The following NEO1 variants were observed in gnomAD, a reference collection of about 807,000 sequenced individuals.
NEO1 encodes the protein neogenin 1, also known as neogenin.
NEO1 carries 63 observed loss-of-function variants against 159.7 expected under a neutral mutation model. The ratio of observed to expected loss-of-function variants is 0.39; its 90% CI spans 0.32 to 0.49. The LOEUF (loss-of-function observed/expected upper bound fraction) is 0.49, where lower values mean the gene tolerates loss of function less well. Ranked by LOEUF, NEO1 falls within the 20% of genes least tolerant of loss-of-function variation. NEO1 has a pLI of 0.85. For missense variants in NEO1, 1,615 were observed against 1,831.0 expected, an observed-to-expected ratio of 0.88 and a Z score of 2.15; for synonymous variants, 633 against 662.0, an observed-to-expected ratio of 0.96 and a Z score of 0.67.
chr15:73,055,803 C>T (rs1050076099), intron 1 of NEO1, among the ~76,000 whole-genome samples: 1 of 152,178 alleles, frequency 6.6e-6, no homozygotes, highest in Non-Finnish European at 1.5e-5. Flanking sequence ...TGTTGCCTGT[C>T]TTGGTCATCA....
intron 1 of NEO1, among the ~76,000 whole-genome samples, chr15:73,076,054 A>C (rs1264743581): frequency 6.6e-6 from 1 of 152,170 alleles, no homozygotes; most frequent in Non-Finnish European, 1.5e-5. Flanking sequence ...TGAGCATGGA[A>C]GGAGAGAATA....
At chr15:73,086,561 C>CTTT (rs56017937) in intron 1 of NEO1, among the ~76,000 whole-genome samples, 6 of 128,902 alleles carry the variant, frequency 4.7e-5, no homozygotes, top group South Asian at 2.5e-4. Context: ...TATAGTATGT[C>CTTT]TTTTTTTTTT....
At chr15:73,176,743 C>A (rs982716297) in intron 6 of NEO1, among the ~76,000 whole-genome samples, 186 bp downstream of exon 6, 1 of 152,164 alleles carries the variant, frequency 6.6e-6, no homozygotes. Context: ...ACTTTGGTAG[C>A]TTATGTAAGA....
chr15:73,248,762 G>A (rs1473795718), intron 9 of NEO1, among the ~76,000 whole-genome samples: 3 of 152,090 alleles, frequency 2.0e-5, no homozygotes, highest in Admixed American at 6.5e-5. Context: ...CACAATGCCC[G>A]GCAAAAGAAG....
In NEO1 at chr15:73,057,142, A is replaced by G. The variant is rs980202243; in HGVS notation, c.130+4337A>G. On this transcript the variant is annotated intron_variant, in intron 1 of 28. Coordinates refer to ENST00000261908, the MANE Select transcript of NEO1 (RefSeq NM_002499.4). ...CTGGATTGTCAGAAAAATAAAATGT[A>G]AAATTGTTCATAAACTATAAAGTAC... 2.6e-5 allele frequency among the ~76,000 whole-genome samples: 4 copies of G among 152,320 alleles called. 1 individual carries two copies. The highest frequency in any genetic ancestry group is 5.9e-5 in the Non-Finnish European group (4 of 68,018).
At chr15:73,243,946 A>G (rs1373361535) in intron 8 of NEO1, among the ~76,000 whole-genome samples, 1 of 152,142 alleles carries the variant, frequency 6.6e-6, no homozygotes, top group African/African-American at 2.4e-5. Flanking sequence ...GCATTCTTTG[A>G]TATTTTCTGT....
chr15:73,107,382 C>T (rs1253000185), intron 1 of NEO1, among the ~76,000 whole-genome samples: 1 of 151,986 alleles, frequency 6.6e-6, no homozygotes, highest in East Asian at 1.9e-4. Context: ...TTGTTGATTA[C>T]CCAGTCTTAT....
intron 5 of NEO1, among the ~76,000 whole-genome samples, chr15:73,157,812 T>C (rs2033887176): frequency 6.6e-6 from 1 of 152,096 alleles, no homozygotes. Flanking sequence ...GTAGATCTTA[T>C]CCTAACTCTG....
intron 5 of NEO1, among the ~76,000 whole-genome samples, chr15:73,147,253 C>T (rs887313395): frequency 2.6e-5 from 4 of 152,172 alleles, no homozygotes; most frequent in African/African-American, 7.2e-5. Context: ...TCCCAGGGCT[C>T]AGAGAATCTT....
chr15:73,106,896 C>G (rs1322965919), intron 1 of NEO1, among the ~76,000 whole-genome samples: 1 of 152,196 alleles, frequency 6.6e-6, no homozygotes, highest in Non-Finnish European at 1.5e-5. Flanking sequence ...AATTCCCATT[C>G]TGTCTTAGAA....
At chr15:73,277,115 T>C (rs900869644) in intron 21 of NEO1, among the ~76,000 whole-genome samples, 1 of 152,190 alleles carries the variant, frequency 6.6e-6, no homozygotes, top group African/African-American at 2.4e-5. Flanking sequence ...TTGCCCAAAG[T>C]CAAACAGTTG....
intron 7 of NEO1, among the ~76,000 whole-genome samples, chr15:73,235,507 C>T (rs962954050): frequency 3.9e-5 from 6 of 152,188 alleles, no homozygotes; most frequent in African/African-American, 1.4e-4. Context: ...AGCTTTGCCT[C>T]GCCACTGCTT....
chr15:73,097,066 A>T (rs1003678084), intron 1 of NEO1, among the ~76,000 whole-genome samples: 1 of 152,166 alleles, frequency 6.6e-6, no homozygotes, highest in African/African-American at 2.4e-5. Context: ...TCAAGGCTGC[A>T]GTGAGTTGTG....
chr15:73,274,544 A>G, intron 20 of NEO1, 148 bp from the exon 21 acceptor site: 1 of 719,622 alleles, frequency 1.4e-6, no homozygotes, highest in Non-Finnish European at 2.4e-6. Context: ...TATGAATTTA[A>G]TTTCTGTTAG....
Position 73,092,794 on chromosome 15 carries a change from A to G in NEO1, c.131-23746A>G, listed in dbSNP as rs924882526. Reference sequence around the variant, plus strand: ...ATTACAGTTAGTGCAGAGTTCCCATATACTCCACACCCAGTATCTCCCATT... The same window carrying G: ...ATTACAGTTAGTGCAGAGTTCCCATGTACTCCACACCCAGTATCTCCCATT... On this transcript the variant is annotated intron_variant, in intron 1 of 28. Coordinates refer to ENST00000261908, the MANE Select transcript of NEO1 (RefSeq NM_002499.4). Among the ~76,000 whole-genome samples, 4 of 152,200 alleles carry G rather than the reference A, an allele frequency of 2.6e-5. No homozygotes were observed. In the East Asian group the frequency reaches 5.8e-4, roughly 22 times the overall value.
chr15:73,211,984 G>A (rs1208894896), intron 7 of NEO1, among the ~76,000 whole-genome samples: 10 of 152,156 alleles, frequency 6.6e-5, no homozygotes, highest in Non-Finnish European at 1.5e-4. Flanking sequence ...ATTACATTGA[G>A]GTTATGGATT....
chr15:73,279,537 C>T (rs1025920514), intron 22 of NEO1, among the ~76,000 whole-genome samples: 6 of 151,534 alleles, frequency 4.0e-5, no homozygotes, highest in Admixed American at 6.6e-5. Context: ...TTAGTAGAGA[C>T]GGGGTTTCAC....
At chr15:73,205,578 T>G (rs2037163902) in intron 7 of NEO1, among the ~76,000 whole-genome samples, 2 of 152,166 alleles carry the variant, frequency 1.3e-5, no homozygotes, top group African/African-American at 4.8e-5. Flanking sequence ...CCCAGGATTT[T>G]TTCATTCTCA....
intron 7 of NEO1, among the ~76,000 whole-genome samples, chr15:73,186,911 G>C (rs2035963258): frequency 6.6e-6 from 1 of 152,086 alleles, no homozygotes; most frequent in South Asian, 2.1e-4. Flanking sequence ...AACAACCTTG[G>C]CTGCTCCGGT....
Sources: allele counts gnomAD v4.1 joint callset (sites outside exome capture counted in the v4.1 genomes callset), GRCh38; gene constraint gnomAD v4.1.1; transcripts MANE v1.5; gene names NCBI Gene and HGNC (gene_info 2026-07-23, HGNC 2026-07-21).